RGS7: variants seen among roughly 807,000 people sequenced by gnomAD.
RGS7 encodes the protein regulator of G-protein signaling 7.
In RGS7, 27 loss-of-function variants were observed where a neutral mutation model predicts 81.1. That is an observed-to-expected ratio of 0.33 (90% CI 0.25 to 0.46). The LOEUF (loss-of-function observed/expected upper bound fraction) is 0.46. Among genes scored for constraint, RGS7 ranks in the 20% least tolerant of loss-of-function variants. The pLI is 1.00. For synonymous variants in RGS7, 208 were observed against 207.7 expected (o/e 1.00, Z -0.01); for missense variants, 396 against 607.4 (o/e 0.65, Z 3.66).
intron 3 of RGS7, among the ~76,000 whole-genome samples, chr1:241,075,074 C>A (rs1398271260): frequency 1.3e-5 from 2 of 152,060 alleles, no homozygotes; most frequent in Non-Finnish European, 1.5e-5. Flanking sequence ...ATAGCCTCTA[C>A]AGAAAGAGTA....
At chr1:241,058,489 G>A (rs958737100) in intron 3 of RGS7, among the ~76,000 whole-genome samples, 10 of 152,166 alleles carry the variant, frequency 6.6e-5, no homozygotes, top group African/African-American at 1.9e-4. Flanking sequence ...GAATTCATTT[G>A]CTTTATTTGA....
intron 2 of RGS7, among the ~76,000 whole-genome samples, chr1:241,135,009 G>A (rs551904207): frequency 2.0e-5 from 3 of 151,962 alleles, no homozygotes; most frequent in Non-Finnish European, 2.9e-5. Context: ...CGGGTACTAC[G>A]TAGCAGTCAG....
At position 241,327,101 on chromosome 1, in the gene RGS7, A is replaced by G. The variant is rs1366077549; in HGVS notation, c.78+28598T>C. Among the ~76,000 whole-genome samples, 181 of 91,196 alleles carry G rather than the reference A, an allele frequency of 2.0e-3. 5 individuals are homozygous for G. The highest frequency in any genetic ancestry group is 6.3e-3 in the African/African-American group (146 of 23,034). 59.8% of individuals were successfully genotyped at this position (91,196 alleles called of 152,430 possible). On this transcript the variant is annotated intron_variant, in intron 2 of 18. Coordinates refer to ENST00000440928, the MANE Select transcript of RGS7 (RefSeq NM_001364886.1). ...GGAAGAGAAAGAAAGAAAGAAAGAA[A>G]GAAAGAAAGAAAGAAAGAAAGAAAG...
At chr1:241,322,255 A>T (rs2081256757) in intron 2 of RGS7, among the ~76,000 whole-genome samples, 1 of 152,336 alleles carries the variant, frequency 6.6e-6, no homozygotes, top group Middle Eastern at 3.4e-3. Flanking sequence ...TGTTGTTAGC[A>T]CATACTAGGT....
chr1:240,840,942 A>ATG (rs138725846), intron 9 of RGS7, among the ~76,000 whole-genome samples: 6,190 of 151,786 alleles, frequency 0.041, 437 homozygotes, highest in African/African-American at 0.14. Flanking sequence ...GCTTGTGTGT[A>ATG]TGTGTGTGTG....
chr1:240,835,282 G>A (rs1469254912), intron 9 of RGS7, among the ~76,000 whole-genome samples: 1 of 152,148 alleles, frequency 6.6e-6, no homozygotes, highest in Non-Finnish European at 1.5e-5. Flanking sequence ...ATGGACAGAT[G>A]ATCTGAACAG....
intron 2 of RGS7, among the ~76,000 whole-genome samples, chr1:241,175,429 G>T (rs1169152010): frequency 6.6e-6 from 1 of 152,100 alleles, no homozygotes; most frequent in Non-Finnish European, 1.5e-5. Context: ...CTTGGTCAAG[G>T]CTCCATGAAT....
chr1:241,239,062 G>A (rs2076140158), intron 2 of RGS7, among the ~76,000 whole-genome samples: 1 of 147,910 alleles, frequency 6.8e-6, no homozygotes, highest in Non-Finnish European at 1.5e-5. Flanking sequence ...TCCGCCTCCC[G>A]GGTTCAAGCT....
intron 2 of RGS7, among the ~76,000 whole-genome samples, chr1:241,320,272 GT>G (rs1485868801): frequency 6.6e-6 from 1 of 152,158 alleles, no homozygotes; most frequent in Non-Finnish European, 1.5e-5. Context: ...GTAACTATGA[GT>G]TTTCCTTCAA....
intron 2 of RGS7, among the ~76,000 whole-genome samples, chr1:241,113,368 T>C (rs915840615): frequency 5.3e-5 from 8 of 152,186 alleles, no homozygotes; most frequent in African/African-American, 1.9e-4. Context: ...CCCCATTTGG[T>C]AATTGTTAAA....
chr1:241,309,445 G>T (rs2080377389), intron 2 of RGS7, among the ~76,000 whole-genome samples: 1 of 150,776 alleles, frequency 6.6e-6, no homozygotes, highest in Non-Finnish European at 1.5e-5. Flanking sequence ...ACAACATAAG[G>T]TGTCTATGAG....
intron 2 of RGS7, among the ~76,000 whole-genome samples, chr1:241,174,154 T>G (rs535117776): frequency 2.6e-5 from 4 of 152,228 alleles, no homozygotes; most frequent in Non-Finnish European, 4.4e-5. Flanking sequence ...AACAGCTCTT[T>G]TTCATGAATA....
At position 240,811,962 on chromosome 1, in the gene RGS7, C is replaced by A. The variant is rs369492024; in HGVS notation, c.1038G>T (p.Gln346His). Residue 346 changes from glutamine to histidine, a missense_variant, in exon 14 of 19, where the codon CAG (glutamine) becomes CAT (histidine). Gln to His is a conservative substitution (Grantham distance 24). Coordinates refer to ENST00000440928, the MANE Select transcript of RGS7 (RefSeq NM_001364886.1). ...ATTCTGACTCTAGAAATTTAAGGAA[C>A]TGTTCTCTCCCAACTGGGTCTTTCA... ...EALKDPVGRE[Q>H]FLKFLESEFS... is the part of the protein sequence containing the mutation. 6 of 1,613,610 alleles carry A rather than the reference C, an allele frequency of 3.7e-6. No homozygotes were observed. The African/African-American group carries it at 8.0e-5, about 22-fold the overall frequency.
At chr1:241,041,727 A>G (rs2060629267) in intron 3 of RGS7, among the ~76,000 whole-genome samples, 1 of 152,180 alleles carries the variant, frequency 6.6e-6, no homozygotes, top group South Asian at 2.1e-4. Context: ...CAGGATAAAG[A>G]CAGACTCAAG....
intron 3 of RGS7, among the ~76,000 whole-genome samples, chr1:241,020,654 T>C (rs1359948032): frequency 6.6e-6 from 1 of 152,176 alleles, no homozygotes; most frequent in Non-Finnish European, 1.5e-5. Context: ...CATTCAATCT[T>C]CTATAATGTA....
chr1:241,085,367 A>G (rs7511753), intron 3 of RGS7, among the ~76,000 whole-genome samples: 2 of 152,168 alleles, frequency 1.3e-5, no homozygotes, highest in Non-Finnish European at 2.9e-5. Context: ...GAAGTTTAAC[A>G]AAACATTGGT....
chr1:241,104,230 C>T (rs2064959501), intron 2 of RGS7, among the ~76,000 whole-genome samples: 1 of 152,180 alleles, frequency 6.6e-6, no homozygotes, highest in African/African-American at 2.4e-5. Context: ...CATCGTTGTA[C>T]TAGGAAGATA....
chr1:241,113,044 A>T (rs188138187), intron 2 of RGS7, among the ~76,000 whole-genome samples: 127 of 152,294 alleles, frequency 8.3e-4, no homozygotes, highest in African/African-American at 2.9e-3. Flanking sequence ...AGAAATTAGG[A>T]TGAATGGTGG....
chr1:240,866,688 C>T (rs927491853), intron 9 of RGS7, among the ~76,000 whole-genome samples: 5 of 152,014 alleles, frequency 3.3e-5, no homozygotes, highest in Non-Finnish European at 5.9e-5. Flanking sequence ...GAAAGACTAG[C>T]GCCCGACTTG....
Sources: allele counts gnomAD v4.1 joint callset (sites outside exome capture counted in the v4.1 genomes callset), GRCh38; gene constraint gnomAD v4.1.1; transcripts MANE v1.5; gene names NCBI Gene and HGNC (gene_info 2026-07-23, HGNC 2026-07-21).